Variants in RBP4 observed in about 807,000 individuals in gnomAD.
The protein encoded by RBP4 is retinol-binding protein 4.
A neutral mutation model predicts 26.2 loss-of-function variants in RBP4; 9 were observed. The ratio of observed to expected loss-of-function variants is 0.34; its 90% CI spans 0.21 to 0.60. The LOEUF is 0.60. Ranked by LOEUF, RBP4 falls within the 20% of genes least tolerant of loss-of-function variation. RBP4 has a pLI of 0.80. For missense variants in RBP4, 244 were observed against 271.3 expected (o/e 0.90, Z 0.71); for synonymous variants, 114 against 111.0 (o/e 1.03, Z -0.17).
chr10:93,591,802 G>A lies in RBP4; in HGVS notation c.*273C>T. ...AGAAGCGCACCCCACCCATCCGTCT[G>A]CAGCACAGACATAAACACAAATGAA... On this transcript the variant is annotated 3_prime_UTR_variant, in exon 6 of 6. Transcript: ENST00000371464. The A allele has an allele frequency of 2.1e-6, 1 of 469,992 alleles. No homozygotes were observed. The allele number at this position is 469,992 out of a possible 1,614,324, so 29.1% of individuals were successfully genotyped here. A position where few individuals can be genotyped will look rare whatever the true frequency, so the allele number is the denominator to read the frequency against.
chr10:93,593,737 A>C (rs2058282082), intron 5 of RBP4, 86 bp downstream of exon 5: 2 of 1,456,398 alleles, frequency 1.4e-6, no homozygotes, highest in Admixed American at 1.7e-5. Flanking sequence ...GGTACGGACA[A>C]AATGAATTTC....
chr10:93,600,011 A>G (rs2058326036), intron 4 of RBP4, among the ~76,000 whole-genome samples: 1 of 152,156 alleles, frequency 6.6e-6, no homozygotes, highest in Non-Finnish European at 1.5e-5. Context: ...AGCCCCAGAT[A>G]GTCAAGCTGT....
chr10:93,599,976 A>G (rs972333073), intron 4 of RBP4, among the ~76,000 whole-genome samples: 4 of 152,086 alleles, frequency 2.6e-5, no homozygotes, highest in African/African-American at 9.7e-5. Flanking sequence ...CCGTCCTTGG[A>G]TAGGGCTCTC....
chr10:93,597,348 A>G (rs11187545), intron 4 of RBP4, among the ~76,000 whole-genome samples: 13,308 of 152,300 alleles, frequency 0.087, 730 homozygotes, highest in African/African-American at 0.13. Flanking sequence ...AGGTCTTTCT[A>G]CAAGAGCACA....
chr10:93,597,796 T>G (rs1184757788), intron 4 of RBP4, among the ~76,000 whole-genome samples: 1 of 152,142 alleles, frequency 6.6e-6, no homozygotes, highest in Admixed American at 6.5e-5. Flanking sequence ...TGAGATGCAG[T>G]GTGTGGAGCA....
In RBP4 at chr10:93,593,730, A is replaced by G. The variant is rs562556742; in HGVS notation, c.568+93T>C. Reference sequence around the variant, plus strand: ...CAAGAACCCCTGTTTTCTCTGGGGTACGGACAAAATGAATTTCACTAGCAC... The same window carrying G: ...CAAGAACCCCTGTTTTCTCTGGGGTGCGGACAAAATGAATTTCACTAGCAC... On this transcript the variant is annotated intron_variant, in intron 5 of 5. Coordinates refer to ENST00000371464, the MANE Select transcript of RBP4 (RefSeq NM_006744.4). 1.5e-4 allele frequency: 215 copies of G among 1,392,642 alleles called. 1 individual carries two copies. The highest frequency in any genetic ancestry group is 2.1e-4 in the Non-Finnish European group (206 of 991,992). The allele number at this position is 1,392,642 out of a possible 1,614,324, so 86.3% of individuals were successfully genotyped here. A position where few individuals can be genotyped will look rare whatever the true frequency, so the allele number is the denominator to read the frequency against.
intron 4 of RBP4, among the ~76,000 whole-genome samples, chr10:93,598,342 C>T (rs148416658): frequency 1.6e-4 from 24 of 152,306 alleles, no homozygotes; most frequent in African/African-American, 5.1e-4. Context: ...GTTCTATGAT[C>T]GTTTCACTTT....
At chr10:93,601,463 A>T (rs1438304447), upstream of RBP4, 2 of 967,630 alleles carry the variant, frequency 2.1e-6, no homozygotes, top group African/African-American at 1.7e-5. Flanking sequence ...GCCAGGCCAA[A>T]TGCGCCAGCG....
intron 5 of RBP4, among the ~76,000 whole-genome samples, chr10:93,592,414 G>A (rs1300409133): frequency 2.0e-5 from 3 of 152,090 alleles, no homozygotes; most frequent in Non-Finnish European, 4.4e-5. Flanking sequence ...TCAAAGTGTC[G>A]GAGGCCACCC....
At chr10:93,600,158 C>T (rs2058327214) in intron 4 of RBP4, among the ~76,000 whole-genome samples, 1 of 152,158 alleles carries the variant, frequency 6.6e-6, no homozygotes, top group Non-Finnish European at 1.5e-5. Context: ...CCTGACAAAC[C>T]GAAAGGTCCT....
At chr10:93,595,372 T>C (rs2058296632) in intron 4 of RBP4, among the ~76,000 whole-genome samples, 1 of 152,176 alleles carries the variant, frequency 6.6e-6, no homozygotes, top group South Asian at 2.1e-4. Context: ...CTGCACACTA[T>C]CATCCTCTAC....
Position 93,600,712 on chromosome 10 carries a change from G to C in RBP4, c.203C>G (p.Thr68Ser). The C allele has an allele frequency of 6.2e-7, 1 of 1,610,744 alleles. No homozygotes were observed. The highest frequency in any genetic ancestry group is 8.5e-7 in the Non-Finnish European group (1 of 1,178,632). The change falls in exon 3 of 6, where the codon ACC becomes AGC. Residue 68 changes from threonine to serine, a missense_variant. Physicochemically the swap from Thr to Ser is moderately conservative, Grantham distance 58. Coordinates refer to ENST00000371464, the MANE Select transcript of RBP4 (RefSeq NM_006744.4). ...NIVAEFSVDETGQMSATAKGR... is the reference protein window; with the variant it reads ...NIVAEFSVDESGQMSATAKGR... ...CTTGGCTGTGGCGCTCATCTGGCCGGTCTCGTCCACGGAGAACTCCGCGAC... is the reference window on the plus strand; with the variant it reads ...CTTGGCTGTGGCGCTCATCTGGCCGCTCTCGTCCACGGAGAACTCCGCGAC...
chr10:93,600,867 G>A (rs2058332900), intron 2 of RBP4, 51 bp downstream of exon 2: 1 of 1,603,332 alleles, frequency 6.2e-7, no homozygotes, highest in Non-Finnish European at 8.5e-7. Flanking sequence ...CGGGGAGGGC[G>A]GGGATGGGGT....
chr10:93,598,711 C>T (rs1388021530), intron 4 of RBP4, among the ~76,000 whole-genome samples: 1 of 152,210 alleles, frequency 6.6e-6, no homozygotes, highest in Non-Finnish European at 1.5e-5. Context: ...TCCTCTCTGA[C>T]CCTGTGCCTA....
rs1306301099 is a variant in RBP4, at chr10:93,593,956, G to A, written c.435C>T (p.Gly145=). 1 of 1,613,928 alleles carries A rather than the reference G, an allele frequency of 6.2e-7. No homozygotes were observed. Among genetic ancestry groups the A allele is most frequent in the African/African-American group, 1.3e-5 (1 of 74,920 alleles). The change falls in exon 5 of 6, where the codon GGC becomes GGT. Residue 145 remains glycine (G), a synonymous_variant. Coordinates refer to ENST00000371464, the MANE Select transcript of RBP4 (RefSeq NM_006744.4). ...QYSCRLLNLD[G]TCADSYSFVF... ...CGAAGGAGTAGCTGTCAGCACAGGT[G>A]CCATCGAGGTTCAGGAGGCGGCAGG...
chr10:93,598,117 G>A (rs2058313592), intron 4 of RBP4, among the ~76,000 whole-genome samples: 1 of 152,182 alleles, frequency 6.6e-6, no homozygotes, highest in Non-Finnish European at 1.5e-5. Flanking sequence ...ATGGGCCCCA[G>A]TTTCTTCACT....
At chr10:93,598,094 C>T (rs1369643805) in intron 4 of RBP4, among the ~76,000 whole-genome samples, 1 of 152,162 alleles carries the variant, frequency 6.6e-6, no homozygotes, top group African/African-American at 2.4e-5. Flanking sequence ...GCCCCTAGGC[C>T]AGTCACTTCT....
chr10:93,598,170 C>A (rs1055699612), intron 4 of RBP4, among the ~76,000 whole-genome samples: 3 of 152,200 alleles, frequency 2.0e-5, no homozygotes, highest in African/African-American at 7.2e-5. Flanking sequence ...CATGGGTCCT[C>A]CCATTCTAGA....
Position 93,592,104 on chromosome 10 carries a change from C to T in RBP4, c.577G>A (p.Asp193Asn), listed in dbSNP as rs777620177. ...AAAAGGTTTCTTTCTGATCTGCCATCGCAGTAACCTGGAAAATACAAAACA... is the reference window on the plus strand; with the variant it reads ...AAAAGGTTTCTTTCTGATCTGCCATTGCAGTAACCTGGAAAATACAAAACA... ...YRLIVHNGYC[D>N]GRSERNLL The change falls in exon 6 of 6, where the codon GAT (aspartate) becomes AAT (asparagine). Residue 193 changes from aspartate to asparagine, a missense_variant. Asp to Asn is a conservative substitution (Grantham distance 23). Coordinates refer to ENST00000371464, the MANE Select transcript of RBP4 (RefSeq NM_006744.4). 17 of 1,613,974 alleles carry T rather than the reference C, an allele frequency of 1.1e-5. No individual in the cohort carries two copies. The highest frequency in any genetic ancestry group is 1.6e-4 in the Middle Eastern group (1 of 6,082).
Sources: allele counts gnomAD v4.1 joint callset (sites outside exome capture counted in the v4.1 genomes callset), GRCh38; gene constraint gnomAD v4.1.1; transcripts MANE v1.5; gene names NCBI Gene and HGNC (gene_info 2026-07-23, HGNC 2026-07-21).